TNRC6B: variants seen among roughly 807,000 people sequenced by gnomAD.
The protein encoded by TNRC6B is trinucleotide repeat-containing gene 6B protein.
TNRC6B carries 52 observed loss-of-function variants against 203.6 expected under a neutral mutation model. The ratio of observed to expected loss-of-function variants is 0.26; its 90% CI spans 0.20 to 0.32. The LOEUF (loss-of-function observed/expected upper bound fraction) is 0.32, where lower values mean the gene tolerates loss of function less well. Among genes scored for constraint, TNRC6B ranks in the 10% least tolerant of loss-of-function variants. The pLI is 1.00. For missense variants in TNRC6B, 1,923 were observed against 2,286.2 expected (o/e 0.84, Z 3.24); for synonymous variants, 838 against 845.7 (o/e 0.99, Z 0.16).
At chr22:40,209,803 G>A (rs956895584) in intron 1 of TNRC6B, among the ~76,000 whole-genome samples, 2 of 152,172 alleles carry the variant, frequency 1.3e-5, no homozygotes, top group South Asian at 2.1e-4. Context: ...GGTGGATCAC[G>A]AGGTCAGCAG....
chr22:40,314,490 TGGG>T (rs975121091), intron 19 of TNRC6B, among the ~76,000 whole-genome samples: 1 of 152,130 alleles, frequency 6.6e-6, no homozygotes, highest in African/African-American at 2.4e-5. Context: ...CAACCAAAAT[TGGG>T]GGGGAACATA....
chr22:40,149,696 A>G, intron 3 of TNRC6B, among the ~76,000 whole-genome samples: 1 of 151,996 alleles, frequency 6.6e-6, no homozygotes, highest in South Asian at 2.1e-4. Flanking sequence ...AAAAAAAAAA[A>G]AAAAAAGATT....
chr22:40,199,870 C>T lies in TNRC6B; in HGVS notation c.5+21730C>T, dbSNP rs144651680. Among the ~76,000 whole-genome samples the T allele has an allele frequency of 4.7e-3, 711 of 152,156 alleles. 7 individuals are homozygous for T. The highest frequency in any genetic ancestry group is 0.016 in the African/African-American group (652 of 41,538). On this transcript the variant is annotated intron_variant, in intron 1 of 22. Transcript: ENST00000454349. ...GTGCTGCAGTGGCACGATCTCAGCT[C>T]ACTGCAACCTCCGCCTTCTGGGTTC...
At chr22:40,301,694 G>T (rs1259928207) in intron 15 of TNRC6B, among the ~76,000 whole-genome samples, 1 of 152,106 alleles carries the variant, frequency 6.6e-6, no homozygotes, top group Non-Finnish European at 1.5e-5. Context: ...ATACTCCATT[G>T]TGCAGATATA....
At chr22:40,308,363 C>A (rs1180994142) in intron 15 of TNRC6B, 149 bp from the exon 16 acceptor site, 2 of 904,550 alleles carry the variant, frequency 2.2e-6, no homozygotes, top group Non-Finnish European at 3.5e-6. Flanking sequence ...GAGCCAAGAT[C>A]AAAGCTTGGA....
At chr22:40,142,435 A>G (rs1049202183) in intron 3 of TNRC6B, among the ~76,000 whole-genome samples, 8 of 152,154 alleles carry the variant, frequency 5.3e-5, no homozygotes. Context: ...TTTAAAAAGC[A>G]TGCAAAGTGC....
chr22:40,187,640 G>A (rs138599234), intron 1 of TNRC6B, among the ~76,000 whole-genome samples: 3 of 152,218 alleles, frequency 2.0e-5, no homozygotes, highest in Middle Eastern at 3.4e-3. Flanking sequence ...GTGTCCCAGC[G>A]TCCCTGTGTG....
At chr22:40,080,696 C>A (rs938186043) in intron 1 of TNRC6B, among the ~76,000 whole-genome samples, 1 of 152,144 alleles carries the variant, frequency 6.6e-6, no homozygotes, top group African/African-American at 2.4e-5. Context: ...GCCCTCTTAT[C>A]CTCAGGCAGT....
At chr22:40,251,332 A>C (rs1434030769) in intron 3 of TNRC6B, 132 bp downstream of exon 3, 1 of 628,608 alleles carries the variant, frequency 1.6e-6, no homozygotes, top group East Asian at 3.1e-5. Flanking sequence ...GTTTGCAGTC[A>C]CTGAGGAGCA....
chr22:40,298,507 G>A (rs1439666252), intron 12 of TNRC6B, among the ~76,000 whole-genome samples: 3 of 152,154 alleles, frequency 2.0e-5, no homozygotes, highest in Non-Finnish European at 4.4e-5. Flanking sequence ...ATCAGCCTGT[G>A]GAATAATGTG....
rs527578733 is a variant in TNRC6B, at chr22:40,123,258, G to C, written c.-46-2514G>C. The stretch of plus-strand genomic sequence containing the variant: ...GGGGGAGGAGAGATGACAGTGTGCA[G>C]TGTTGGGGGATAGGGAGGAGGAGTC... On this transcript the variant is annotated intron_variant, in intron 2 of 23. Transcript: ENST00000301923. Among the ~76,000 whole-genome samples the C allele has an allele frequency of 1.1e-3, 171 of 152,264 alleles. 1 individual carries two copies. The highest frequency in any genetic ancestry group is 2.0e-3 in the Non-Finnish European group (134 of 68,022).
chr22:40,171,192 C>T (rs113530150), intron 4 of TNRC6B, among the ~76,000 whole-genome samples: 3,891 of 132,744 alleles, frequency 0.029, 79 homozygotes, highest in Non-Finnish European at 0.045. Flanking sequence ...GACAGAGTCT[C>T]GCTCTGTCAC....
chr22:40,172,017 C>T (rs914913338), intron 4 of TNRC6B, among the ~76,000 whole-genome samples: 1 of 130,532 alleles, frequency 7.7e-6, no homozygotes, highest in African/African-American at 3.3e-5. Context: ...CACCACCATG[C>T]CCAGCTAATT....
chr22:40,144,933 C>T (rs5750903), intron 3 of TNRC6B, among the ~76,000 whole-genome samples: 1 of 151,190 alleles, frequency 6.6e-6, no homozygotes, highest in African/African-American at 2.4e-5. Flanking sequence ...ACAACCATAT[C>T]TAAAATTAAT....
intron 7 of TNRC6B, 89 bp downstream of exon 7, chr22:40,273,689 A>T (rs371286055): frequency 1.1e-4 from 156 of 1,394,588 alleles, no homozygotes; most frequent in Non-Finnish European, 1.3e-4. Context: ...TTTTGAGACA[A>T]GTTCTCCCTC....
chr22:40,143,905 C>A (rs886170644), intron 3 of TNRC6B, among the ~76,000 whole-genome samples: 1 of 152,134 alleles, frequency 6.6e-6, no homozygotes, highest in African/African-American at 2.4e-5. Context: ...TCAAACAACT[C>A]AAAAATGTAC....
intron 3 of TNRC6B, among the ~76,000 whole-genome samples, chr22:40,151,463 C>T (rs1013415711): frequency 6.2e-5 from 9 of 146,288 alleles, no homozygotes; most frequent in South Asian, 2.2e-4. Context: ...TCTCTTGAAG[C>T]GGAGAAGCAG....
intron 12 of TNRC6B, among the ~76,000 whole-genome samples, chr22:40,293,712 G>C (rs2070899891): frequency 6.6e-6 from 1 of 152,078 alleles, no homozygotes; most frequent in Non-Finnish European, 1.5e-5. Flanking sequence ...GCCCCTAGGA[G>C]TGTAATAAGC....
rs901670474 is a variant in TNRC6B at position 40,247,238 on chromosome 22, G to A, written c.93+1136G>A. ...CTATGTAAAGCATTTGGGAAGCAGG[G>A]CCTACTGTGGGAAAGGTTCGAGGGT... On this transcript the variant is annotated intron_variant, in intron 2 of 22. Transcript: ENST00000454349. 2.0e-5 allele frequency among the ~76,000 whole-genome samples: 3 copies of A among 152,284 alleles called. No individual in the cohort carries two copies. The South Asian group carries it at 6.2e-4, about 32-fold the overall frequency.
Sources: allele counts gnomAD v4.1 joint callset (sites outside exome capture counted in the v4.1 genomes callset), GRCh38; gene constraint gnomAD v4.1.1; transcripts MANE v1.5; gene names NCBI Gene and HGNC (gene_info 2026-07-23, HGNC 2026-07-21).